SYT11: variants seen among roughly 807,000 people sequenced by gnomAD.
SYT11 encodes the protein synaptotagmin-11.
A neutral mutation model predicts 30.4 loss-of-function variants in SYT11; 12 were observed. The ratio of observed to expected loss-of-function variants is 0.39; its 90% CI spans 0.25 to 0.64. The LOEUF is 0.64. Ranked by LOEUF, SYT11 falls within the 30% of genes least tolerant of loss-of-function variation. The pLI, the probability that SYT11 is intolerant of heterozygous loss-of-function variation, is 0.45. For missense variants in SYT11, 412 were observed against 552.0 expected, an observed-to-expected ratio of 0.75 and a Z score of 2.54; for synonymous variants, 204 against 216.0, an observed-to-expected ratio of 0.94 and a Z score of 0.49.
intron 2 of SYT11, among the ~76,000 whole-genome samples, chr1:155,875,375 C>G (rs890649851): frequency 6.6e-6 from 1 of 150,940 alleles, no homozygotes; most frequent in Non-Finnish European, 1.5e-5. Flanking sequence ...ATTTCAATTT[C>G]AAAAGCTAAG....
At chr1:155,880,437 C>T (rs907053467) in intron 2 of SYT11, 63 bp from the exon 3 acceptor site, 4 of 1,597,072 alleles carry the variant, frequency 2.5e-6, no homozygotes, top group Non-Finnish European at 3.4e-6. Context: ...CTGCTCTGCA[C>T]ACTTTTTGTG....
Position 155,869,523 on chromosome 1 carries a change from C to T in SYT11, c.861+732C>T, listed in dbSNP as rs544475097. Among the ~76,000 whole-genome samples the T allele has an allele frequency of 3.9e-5, 6 of 152,164 alleles. No individual in the cohort carries two copies. The East Asian group carries it at 9.7e-4, about 25-fold the overall frequency. On this transcript the variant is annotated intron_variant, in intron 2 of 3. Transcript: ENST00000368324. ...CTATCCTCAGGTGATCCACCTGCCT[C>T]GGACTCCAAAAGTACTGGGATTACA...
chr1:155,868,244 G>T lies in SYT11; in HGVS notation c.314G>T (p.Ser105Ile), dbSNP rs762988767. 34 of 1,614,146 alleles carry T rather than the reference G, an allele frequency of 2.1e-5. No homozygotes were observed. The highest frequency in any genetic ancestry group is 2.4e-5 in the Non-Finnish European group (28 of 1,180,014). Residue 105 changes from serine (S) to isoleucine (I), a missense_variant, in exon 2 of 4, where the codon AGC becomes ATC. By Grantham distance (142) the Ser-to-Ile change is moderately radical (BLOSUM62 -2). Transcript: ENST00000368324. This position sits in a 1 kb window ranked among gnomAD's most constrained non-coding sequence, Gnocchi z 4.7. ...LVDAAEAGLLSRDKDPRGPSS... is the reference protein window; with the variant it reads ...LVDAAEAGLLIRDKDPRGPSS... ...GACGCAGCAGAGGCTGGCCTGCTAA[G>T]CCGAGACAAAGATCCCAGGGGGCCT...
At chr1:155,869,819 G>T (rs1672753524) in intron 2 of SYT11, among the ~76,000 whole-genome samples, 1 of 152,108 alleles carries the variant, frequency 6.6e-6, no homozygotes, top group African/African-American at 2.4e-5. Flanking sequence ...AACCCCATTA[G>T]TTCATTTATT....
chr1:155,875,287 T>C (rs1038489388), intron 2 of SYT11, among the ~76,000 whole-genome samples: 4 of 150,328 alleles, frequency 2.7e-5, no homozygotes, highest in African/African-American at 9.8e-5. Context: ...ACATATGTTA[T>C]GGGTAAGGAC....
chr1:155,868,641 G>T lies in SYT11; in HGVS notation c.711G>T (p.Leu237=), dbSNP rs1249702922. Residue 237 remains leucine, a synonymous_variant, in exon 2 of 4, where the codon CTG becomes CTT. Transcript: ENST00000368324. This position sits in a 1 kb window ranked among gnomAD's most constrained non-coding sequence, Gnocchi z 4.7. The part of the protein sequence containing the change: ...FTFYGIPYSQ[L]QDLVLHFLVL... Reference sequence around the variant, plus strand: ...TCTATGGCATCCCCTACAGCCAGCTGCAGGACCTGGTGCTGCACTTCCTTG... The same window carrying T: ...TCTATGGCATCCCCTACAGCCAGCTTCAGGACCTGGTGCTGCACTTCCTTG... 1.4e-5 allele frequency: 22 copies of T among 1,614,118 alleles called. No homozygotes were observed. The highest frequency in any genetic ancestry group is 1.8e-5 in the Non-Finnish European group (21 of 1,180,052).
chr1:155,859,656 C>A lies in SYT11; in HGVS notation c.-106C>A. ...GAGGCGTCCGCTGGATACCTTCCCC[C>A]TTCCCTGACCTAGAGCTCTACAGCT... On this transcript the variant is annotated 5_prime_UTR_variant, in exon 1 of 4. Coordinates refer to ENST00000368324, the MANE Select transcript of SYT11 (RefSeq NM_152280.5). 8.0e-6 allele frequency: 9 copies of A among 1,119,752 alleles called. No individual in the cohort carries two copies. Among genetic ancestry groups the A allele is most frequent in the Non-Finnish European group, 1.1e-5 (8 of 733,920 alleles). The allele number at this position is 1,119,752 out of a possible 1,614,324, so 69.4% of individuals were successfully genotyped here.
rs1414871923 is a variant in SYT11, at chr1:155,860,129, G to A, written c.34+334G>A. ...AACCCCTCCTTCTGGGGGAGGAGAG[G>A]TGGGGTAGGCCAAGCCCTCCCCCTT... is the stretch of plus-strand genomic sequence containing the variant. On this transcript the variant is annotated intron_variant, in intron 1 of 3. Coordinates refer to ENST00000368324, the MANE Select transcript of SYT11 (RefSeq NM_152280.5). This position sits in a 1 kb window ranked among gnomAD's most constrained non-coding sequence, Gnocchi z 4.1. Among the ~76,000 whole-genome samples the A allele has an allele frequency of 6.6e-6, 1 of 152,264 alleles. No individual in the cohort carries two copies. The highest frequency in any genetic ancestry group is 1.9e-4 in the East Asian group (1 of 5,198).
chr1:155,881,113 T>C (rs1672952859), intron 3 of SYT11, 85 bp from the exon 4 acceptor site: 14 of 1,427,282 alleles, frequency 9.8e-6, no homozygotes, highest in Admixed American at 4.4e-5. Context: ...GAGCCCCCCC[T>C]TTCCCAACAT....
chr1:155,881,536 G>A lies in SYT11; in HGVS notation c.*28G>A. 6.4e-7 allele frequency: 1 copy of A among 1,558,034 alleles called. No homozygotes were observed. Among genetic ancestry groups the A allele is most frequent in the South Asian group, 1.2e-5 (1 of 84,372 alleles). On this transcript the variant is annotated 3_prime_UTR_variant, in exon 4 of 4. Coordinates refer to ENST00000368324, the MANE Select transcript of SYT11 (RefSeq NM_152280.5). ...CTGTTCTTCTCTCCTCTAATCCCCGGGGGCCAAGCTGGGGAGGGATGTGGA... is the reference window on the plus strand; with the variant it reads ...CTGTTCTTCTCTCCTCTAATCCCCGAGGGCCAAGCTGGGGAGGGATGTGGA...
intron 1 of SYT11, among the ~76,000 whole-genome samples, chr1:155,867,690 C>T (rs944706985): frequency 1.3e-5 from 2 of 152,130 alleles, no homozygotes; most frequent in Non-Finnish European, 2.9e-5. Flanking sequence ...TCTATAAGTG[C>T]TGAGAGAAGG....
rs1672719890 is a variant in SYT11 at position 155,868,281 on chromosome 1, T to C, written c.351T>C (p.Ser117=). 6.2e-7 allele frequency: 1 copy of C among 1,614,022 alleles called. No individual in the cohort carries two copies. Among genetic ancestry groups the C allele is most frequent in the Non-Finnish European group, 8.5e-7 (1 of 1,179,998 alleles). The change falls in exon 2 of 4, where the codon TCT becomes TCC. Residue 117 remains serine, a synonymous_variant. Coordinates refer to ENST00000368324, the MANE Select transcript of SYT11 (RefSeq NM_152280.5). This position sits in a 1 kb window ranked among gnomAD's most constrained non-coding sequence, Gnocchi z 4.7. The stretch of plus-strand genomic sequence containing the variant: ...ATCCCAGGGGGCCTAGCTCTGGATC[T>C]TGTATAGACCAATTACCCATCAAAA... ...DKDPRGPSSG[S]CIDQLPIKMD...
intron 2 of SYT11, among the ~76,000 whole-genome samples, chr1:155,871,867 G>A (rs1423435321): frequency 6.6e-6 from 1 of 152,116 alleles, no homozygotes. Flanking sequence ...TCATCCACTA[G>A]GTTCCCTAGA....
chr1:155,867,093 C>T (rs1175114518), intron 1 of SYT11, among the ~76,000 whole-genome samples: 1 of 151,298 alleles, frequency 6.6e-6, no homozygotes, highest in Non-Finnish European at 1.5e-5. Context: ...AGTCTTGCTC[C>T]ATCACCCAGG....
chr1:155,868,016 G>C lies in SYT11; in HGVS notation c.86G>C (p.Cys29Ser). ...GLIGASVLVV[C>S]VSVTVFVWSC... ...ATCGGGGCCTCTGTGCTGGTGGTGT[G>C]TGTCTCGGTGACCGTCTTTGTCTGG... is the stretch of plus-strand genomic sequence containing the variant. Residue 29 changes from cysteine to serine, a missense_variant, in exon 2 of 4, where the codon TGT (cysteine) becomes TCT (serine). Coordinates refer to ENST00000368324, the MANE Select transcript of SYT11 (RefSeq NM_152280.5). The surrounding 1 kb of genome is among the most constrained non-coding windows in gnomAD (Gnocchi z 4.7). 1 of 1,613,166 alleles carries C rather than the reference G, an allele frequency of 6.2e-7. No homozygotes were observed. The highest frequency in any genetic ancestry group is 1.7e-5 in the Admixed American group (1 of 59,982).
Position 155,859,680 on chromosome 1 carries a change from C to A in SYT11, c.-82C>A. On this transcript the variant is annotated 5_prime_UTR_variant, in exon 1 of 4. In the 5' UTR this introduces an upstream ATG that the reference lacks. Coordinates refer to ENST00000368324, the MANE Select transcript of SYT11 (RefSeq NM_152280.5). ...CCTTCCCTGACCTAGAGCTCTACAG[C>A]TGCTGCCTCGGTACTGACCGAGGGT... 7.3e-7 allele frequency: 1 copy of A among 1,372,200 alleles called. No homozygotes were observed. The highest frequency in any genetic ancestry group is 1.0e-6 in the Non-Finnish European group (1 of 960,036). The allele number at this position is 1,372,200 out of a possible 1,614,324, so 85.0% of individuals were successfully genotyped here. A position where few individuals can be genotyped will look rare whatever the true frequency, so the allele number is the denominator to read the frequency against.
intron 2 of SYT11, among the ~76,000 whole-genome samples, chr1:155,875,074 G>A (rs977055355): frequency 6.8e-6 from 1 of 147,226 alleles, no homozygotes; most frequent in Non-Finnish European, 1.5e-5. Context: ...CCAATGTAGC[G>A]AAACCCCGTC....
In SYT11 at chr1:155,868,875, G is replaced by C. The variant is rs1054907777; in HGVS notation, c.861+84G>C. On this transcript the variant is annotated intron_variant, in intron 2 of 3. Coordinates refer to ENST00000368324, the MANE Select transcript of SYT11 (RefSeq NM_152280.5). This position sits in a 1 kb window ranked among gnomAD's most constrained non-coding sequence, Gnocchi z 4.7. ...GGATAAATGGAAGTGGGAGGGGAGT[G>C]GGTTGGGTGGCAAAGAAGGGCTGTA... 1 of 1,341,530 alleles carries C rather than the reference G, an allele frequency of 7.5e-7. No homozygotes were observed. Among genetic ancestry groups the C allele is most frequent in the African/African-American group, 1.4e-5 (1 of 69,358 alleles). The allele number at this position is 1,341,530 out of a possible 1,614,324, so 83.1% of individuals were successfully genotyped here. A position where few individuals can be genotyped will look rare whatever the true frequency, so the allele number is the denominator to read the frequency against.
intron 1 of SYT11, among the ~76,000 whole-genome samples, chr1:155,862,623 C>T (rs1026980358): frequency 6.6e-6 from 1 of 152,204 alleles, no homozygotes; most frequent in African/African-American, 2.4e-5. Flanking sequence ...ATGTAAGCAG[C>T]AGTGGGTTGC....
Sources: gnomAD v4.1 joint callset for allele counts (sites outside exome capture counted in the v4.1 genomes callset) on GRCh38, gnomAD v4.1.1 for gene constraint, Gnocchi (gnomAD v3.1) non-coding constraint, MANE v1.5 for transcripts, NCBI Gene and HGNC (gene_info 2026-07-23, HGNC 2026-07-21) for gene names.